The following RGS7 variants were observed in gnomAD, a reference collection of about 807,000 sequenced individuals.
RGS7 encodes the protein regulator of G-protein signaling 7.
Under a neutral mutation model 81.1 loss-of-function variants are expected in RGS7, and 27 were observed. The ratio of observed to expected loss-of-function variants is 0.33; its 90% CI spans 0.25 to 0.46. The LOEUF is 0.46. Among genes scored for constraint, RGS7 ranks in the 20% least tolerant of loss-of-function variants. The pLI, the probability that RGS7 is intolerant of heterozygous loss-of-function variation, is 1.00. For synonymous variants in RGS7, 208 were observed against 207.7 expected, an observed-to-expected ratio of 1.00 and a Z score of -0.01; for missense variants, 396 against 607.4, an observed-to-expected ratio of 0.65 and a Z score of 3.66.
At chr1:240,776,371 C>G (rs929701418) in intron 18 of RGS7, among the ~76,000 whole-genome samples, 158 bp from the exon 19 acceptor site, 1 of 151,748 alleles carries the variant, frequency 6.6e-6, no homozygotes, top group African/African-American at 2.4e-5. Flanking sequence ...GACCAACCTG[C>G]CTTCCCCCCT....
At chr1:240,840,397 C>T (rs1276230367) in intron 9 of RGS7, among the ~76,000 whole-genome samples, 1 of 152,142 alleles carries the variant, frequency 6.6e-6, no homozygotes, top group Non-Finnish European at 1.5e-5. Flanking sequence ...CCTCAGCCTC[C>T]CGAGTAGCTG....
intron 3 of RGS7, among the ~76,000 whole-genome samples, chr1:241,000,560 C>CACTGAATGGTCTGG (rs1247515859): frequency 3.3e-5 from 5 of 152,126 alleles, no homozygotes; most frequent in Non-Finnish European, 5.9e-5. Flanking sequence ...TTTTTTTCAG[C>CACTGAATGGTCTGG]ACTGAATGGT....
intron 3 of RGS7, among the ~76,000 whole-genome samples, chr1:241,049,961 G>C (rs374558787): frequency 1.3e-5 from 2 of 152,202 alleles, no homozygotes; most frequent in East Asian, 1.9e-4. Context: ...TATTATTTGA[G>C]TGCCCTCGGT....
At chr1:241,011,678 C>A (rs979399095) in intron 3 of RGS7, among the ~76,000 whole-genome samples, 1 of 152,178 alleles carries the variant, frequency 6.6e-6, no homozygotes, top group Non-Finnish European at 1.5e-5. Context: ...AGATTGATAA[C>A]ATTTACTAAA....
chr1:241,000,036 A>C (rs1056034876), intron 3 of RGS7, among the ~76,000 whole-genome samples: 3 of 152,300 alleles, frequency 2.0e-5, no homozygotes, highest in African/African-American at 7.2e-5. Context: ...TGCTGAGGGT[A>C]GAAATTTGAC....
intron 2 of RGS7, among the ~76,000 whole-genome samples, chr1:241,275,313 GA>G (rs1308333236): frequency 6.6e-6 from 1 of 152,224 alleles, no homozygotes; most frequent in Admixed American, 6.5e-5. Context: ...TATGAGCTAA[GA>G]AAGTTGTCTA....
chr1:240,861,409 G>A (rs535126945), intron 9 of RGS7, among the ~76,000 whole-genome samples: 4 of 152,222 alleles, frequency 2.6e-5, no homozygotes, highest in African/African-American at 7.2e-5. Flanking sequence ...TTCAGTGCTG[G>A]AAAGAACTCT....
intron 4 of RGS7, among the ~76,000 whole-genome samples, chr1:240,965,604 T>C (rs1682156038): frequency 2.0e-5 from 3 of 152,146 alleles, no homozygotes. Context: ...CCATCAGCCC[T>C]TCCTTCCCGG....
chr1:241,198,775 T>A (rs1293788903), intron 2 of RGS7, among the ~76,000 whole-genome samples: 2 of 152,186 alleles, frequency 1.3e-5, no homozygotes, highest in African/African-American at 4.8e-5. Flanking sequence ...AAAATACCAA[T>A]CTTACGTTAA....
intron 10 of RGS7, among the ~76,000 whole-genome samples, chr1:240,818,583 G>A (rs1691225842): frequency 6.6e-6 from 1 of 152,146 alleles, no homozygotes; most frequent in South Asian, 2.1e-4. Context: ...AAAATTATGT[G>A]TTATATACAT....
intron 3 of RGS7, among the ~76,000 whole-genome samples, chr1:241,056,644 T>C (rs2061492743): frequency 6.6e-6 from 1 of 152,188 alleles, no homozygotes; most frequent in Non-Finnish European, 1.5e-5. Flanking sequence ...GGGCCCCGTG[T>C]AGAAAAGTCA....
At chr1:241,257,025 CTATA>C (rs1218419082) in intron 2 of RGS7, among the ~76,000 whole-genome samples, 1 of 151,512 alleles carries the variant, frequency 6.6e-6, no homozygotes, top group Non-Finnish European at 1.5e-5. Context: ...TGTGTATACA[CTATA>C]TATATTGTGT....
chr1:240,923,175 C>T (rs988614994), intron 6 of RGS7, among the ~76,000 whole-genome samples: 5 of 151,914 alleles, frequency 3.3e-5, no homozygotes, highest in Middle Eastern at 6.8e-3. Context: ...AAGTGTGTGC[C>T]AGGGGTTAGG....
intron 9 of RGS7, among the ~76,000 whole-genome samples, chr1:240,860,418 T>C (rs1010311616): frequency 6.6e-6 from 1 of 152,190 alleles, no homozygotes; most frequent in Non-Finnish European, 1.5e-5. Flanking sequence ...TATTATTATG[T>C]CTTTATGAAG....
intron 2 of RGS7, among the ~76,000 whole-genome samples, chr1:241,325,515 C>T (rs1298365245): frequency 6.6e-6 from 1 of 152,180 alleles, no homozygotes; most frequent in Non-Finnish European, 1.5e-5. Context: ...GTATGCCTAA[C>T]ACACTGCCAG....
intron 2 of RGS7, among the ~76,000 whole-genome samples, chr1:241,236,102 G>C (rs1439013743): frequency 6.6e-6 from 1 of 151,798 alleles, no homozygotes; most frequent in Non-Finnish European, 1.5e-5. Flanking sequence ...AAACTTTTGA[G>C]AATACTTAAG....
chr1:241,347,691 T>C (rs1201938853), intron 2 of RGS7, among the ~76,000 whole-genome samples: 1 of 152,150 alleles, frequency 6.6e-6, no homozygotes, highest in African/African-American at 2.4e-5. Flanking sequence ...AGTACATTCA[T>C]GGTACATGCA....
At chr1:241,178,183 T>C (rs143677576) in intron 2 of RGS7, among the ~76,000 whole-genome samples, 4 of 152,100 alleles carry the variant, frequency 2.6e-5, no homozygotes, top group Admixed American at 2.6e-4. Context: ...TCCCAGCTAT[T>C]TGAGAGACTG....
At chr1:240,929,511 CTT>C (rs1558480280) in intron 6 of RGS7, among the ~76,000 whole-genome samples, 1 of 152,046 alleles carries the variant, frequency 6.6e-6, no homozygotes, top group African/African-American at 2.4e-5. Flanking sequence ...AGTTTCGACT[CTT>C]TTGACTAGAG....
Sources: gnomAD v4.1 joint callset for allele counts (sites outside exome capture counted in the v4.1 genomes callset) on GRCh38, gnomAD v4.1.1 for gene constraint, MANE v1.5 for transcripts, NCBI Gene and HGNC (gene_info 2026-07-23, HGNC 2026-07-21) for gene names.